LRRC8A: variants seen among roughly 807,000 people sequenced by gnomAD.
LRRC8A encodes the protein leucine rich repeat containing 8 VRAC subunit A.
LRRC8A carries 24 observed loss-of-function variants against 52.5 expected under a neutral mutation model. That is an observed-to-expected ratio of 0.46 (90% CI 0.33 to 0.64). The LOEUF is 0.64. Among genes scored for constraint, LRRC8A ranks in the 30% least tolerant of loss-of-function variants. LRRC8A has a pLI of 0.02. For synonymous variants in LRRC8A, 492 were observed against 494.2 expected, an observed-to-expected ratio of 1.00 and a Z score of 0.06; for missense variants, 677 against 1,094.7, an observed-to-expected ratio of 0.62 and a Z score of 5.38.
Position 128,908,458 on chromosome 9 carries a change from C to T in LRRC8A, c.1294C>T (p.Leu432=). ...KNAQDKLELH[L]FMLSGIPDTV... is the part of the protein sequence containing the mutation. ...CGCGCAGGACAAGCTGGAGCTGCAC[C>T]TGTTCATGCTCAGTGGCATCCCTGA... Residue 432 remains leucine, a synonymous_variant, in exon 3 of 4, where the codon CTG becomes TTG. Coordinates refer to ENST00000372600, the MANE Select transcript of LRRC8A (RefSeq NM_019594.4). 6.2e-7 allele frequency: 1 copy of T among 1,613,326 alleles called. No homozygotes were observed.
chr9:128,890,938 C>T (rs1045511482), intron 2 of LRRC8A, among the ~76,000 whole-genome samples: 4 of 151,942 alleles, frequency 2.6e-5, no homozygotes, highest in African/African-American at 4.8e-5. Flanking sequence ...TTGCTTGAGC[C>T]CAGGAGTTCC....
chr9:128,904,818 C>T (rs1377313018), intron 2 of LRRC8A, among the ~76,000 whole-genome samples: 1 of 151,816 alleles, frequency 6.6e-6, no homozygotes, highest in African/African-American at 2.4e-5. Context: ...CACGGTGAAA[C>T]CCCGTCTCTA....
chr9:128,890,385 G>A (rs985543078), intron 2 of LRRC8A, among the ~76,000 whole-genome samples: 8 of 152,108 alleles, frequency 5.3e-5, no homozygotes, highest in South Asian at 4.1e-4. Flanking sequence ...TAAGCCTCAC[G>A]CCTAGAGCAA....
chr9:128,902,415 TG>T lies in LRRC8A; in HGVS notation c.-8-4740del, dbSNP rs1840062058. ...CCTGCCTCAGAAGGAGGAGTCTGGG[TG>T]GTACAGACAAGCCCCAGGTCGGCGG... On this transcript the variant is annotated intron_variant, in intron 2 of 3. Transcript: ENST00000372600. The surrounding 1 kb of genome is among the most constrained non-coding windows in gnomAD (Gnocchi z 4.1). Among the ~76,000 whole-genome samples, 1 of 151,996 alleles carries T rather than the reference TG, an allele frequency of 6.6e-6. No homozygotes were observed. Among genetic ancestry groups the T allele is most frequent in the Admixed American group, 6.5e-5 (1 of 15,268 alleles).
chr9:128,910,222 C>T (rs1840449677), intron 3 of LRRC8A, among the ~76,000 whole-genome samples: 1 of 152,212 alleles, frequency 6.6e-6, no homozygotes, highest in Non-Finnish European at 1.5e-5. Flanking sequence ...CTGGGCCTCA[C>T]ATCCAGGTGG....
intron 2 of LRRC8A, among the ~76,000 whole-genome samples, chr9:128,887,786 C>T (rs539095759): frequency 1.3e-3 from 195 of 152,016 alleles, no homozygotes; most frequent in Admixed American, 2.6e-3. Context: ...GGACTACAGG[C>T]GCCCGCCACC....
At chr9:128,906,061 A>G (rs1031525183) in intron 2 of LRRC8A, among the ~76,000 whole-genome samples, 4 of 152,198 alleles carry the variant, frequency 2.6e-5, no homozygotes, top group African/African-American at 7.2e-5. Context: ...GGAGCCTGTC[A>G]TTAAGACCCA....
At chr9:128,896,472 T>A (rs1478269147) in intron 2 of LRRC8A, among the ~76,000 whole-genome samples, 1 of 152,226 alleles carries the variant, frequency 6.6e-6, no homozygotes, top group Non-Finnish European at 1.5e-5. Flanking sequence ...AGTACGTGCA[T>A]CCTACCTTCT....
Position 128,887,688 on chromosome 9 carries a change from C to T in LRRC8A, c.-9+1567C>T, listed in dbSNP as rs1003833862. On this transcript the variant is annotated intron_variant, in intron 2 of 3. Transcript: ENST00000372600. ...TGAGATGGAGTCTTTGTCACCCAGGCTGGAGTGCAGTGGCACAATCTCAGC... is the reference window on the plus strand; with the variant it reads ...TGAGATGGAGTCTTTGTCACCCAGGTTGGAGTGCAGTGGCACAATCTCAGC... Among the ~76,000 whole-genome samples the T allele has an allele frequency of 3.7e-4, 56 of 152,086 alleles. 1 individual carries two copies. The highest frequency in any genetic ancestry group is 1.3e-3 in the African/African-American group (56 of 41,500).
Position 128,907,365 on chromosome 9 carries a change from T to C in LRRC8A, c.201T>C (p.Asp67=), listed in dbSNP as rs1840294138. Residue 67 remains aspartate, a synonymous_variant, in exon 3 of 4, where the codon GAT becomes GAC. Coordinates refer to ENST00000372600, the MANE Select transcript of LRRC8A (RefSeq NM_019594.4). The surrounding 1 kb of genome is among the most constrained non-coding windows in gnomAD (Gnocchi z 9.3). The part of the protein sequence containing the change: ...CKWVTKDSCN[D]SFRGWAAPGP... ...GGGTCACCAAGGACTCCTGCAATGA[T>C]TCGTTCCGGGGCTGGGCAGCCCCTG... 6.2e-7 allele frequency: 1 copy of C among 1,613,586 alleles called. No homozygotes were observed. The highest frequency in any genetic ancestry group is 1.3e-5 in the African/African-American group (1 of 74,922).
chr9:128,890,139 T>TGG (rs1839552340), intron 2 of LRRC8A, among the ~76,000 whole-genome samples: 1 of 148,120 alleles, frequency 6.8e-6, no homozygotes, highest in Non-Finnish European at 1.5e-5. Flanking sequence ...TTTGTGTGTG[T>TGG]GTGTGTGTGT....
chr9:128,912,505 G>A, intron 3 of LRRC8A, among the ~76,000 whole-genome samples: 1 of 2,448 alleles, frequency 4.1e-4, no homozygotes, highest in Non-Finnish European at 0.016. Flanking sequence ...GTGGGGCTAT[G>A]GGGGGGGGTG....
intron 1 of LRRC8A, 97 bp downstream of exon 1, chr9:128,882,347 G>T (rs1274483886): frequency 2.6e-5 from 5 of 189,236 alleles, no homozygotes; most frequent in Admixed American, 6.1e-5. Context: ...GGCGCCCGGG[G>T]CATCTGGGGC....
intron 1 of LRRC8A, chr9:128,885,245 G>A (rs1384583902): frequency 1.3e-5 from 2 of 152,612 alleles, no homozygotes; most frequent in East Asian, 3.9e-4. Flanking sequence ...TGGTGTTTAA[G>A]TTGGAGTCTG....
intron 2 of LRRC8A, among the ~76,000 whole-genome samples, chr9:128,903,370 T>C (rs1274816740): frequency 2.0e-5 from 3 of 151,912 alleles, no homozygotes; most frequent in Non-Finnish European, 4.4e-5. Context: ...CCTAGAAAGA[T>C]TGGGGCTGGG....
chr9:128,916,875 TCAG>T lies in LRRC8A; in HGVS notation c.*508_*510del, dbSNP rs1840843293. 1 of 160,600 alleles carries T rather than the reference TCAG, an allele frequency of 6.2e-6. No homozygotes were observed. The highest frequency in any genetic ancestry group is 5.9e-5 in the Admixed American group (1 of 17,072). 9.9% of individuals were successfully genotyped at this position (160,600 alleles called of 1,614,324 possible). ...CGGGCATTTAACACCCACCTGGACT[TCAG>T]CAGAGTGGTCCGGGGCGAACCAGCC... On this transcript the variant is annotated 3_prime_UTR_variant, in exon 4 of 4. Transcript: ENST00000372600. The surrounding 1 kb of genome is among the most constrained non-coding windows in gnomAD (Gnocchi z 6.1).
At chr9:128,910,624 A>C (rs973404269) in intron 3 of LRRC8A, among the ~76,000 whole-genome samples, 3 of 152,150 alleles carry the variant, frequency 2.0e-5, no homozygotes, top group Non-Finnish European at 2.9e-5. Flanking sequence ...TAGGAGTTCA[A>C]GACTGCAGTG....
intron 2 of LRRC8A, among the ~76,000 whole-genome samples, chr9:128,901,831 G>A (rs555709139): frequency 1.3e-5 from 2 of 152,170 alleles, no homozygotes; most frequent in Non-Finnish European, 2.9e-5. Flanking sequence ...CTGACCACCC[G>A]GCTGGCTCCT....
intron 3 of LRRC8A, among the ~76,000 whole-genome samples, chr9:128,910,098 T>C (rs1285416873): frequency 6.6e-6 from 1 of 152,170 alleles, no homozygotes; most frequent in African/African-American, 2.4e-5. Context: ...GCAGTGTGGA[T>C]GGAGGGCTGG....
Sources: gnomAD v4.1 joint callset for allele counts (sites outside exome capture counted in the v4.1 genomes callset) on GRCh38, gnomAD v4.1.1 for gene constraint, Gnocchi (gnomAD v3.1) non-coding constraint, MANE v1.5 for transcripts, NCBI Gene and HGNC (gene_info 2026-07-23, HGNC 2026-07-21) for gene names.